Variants in RNF152 observed in about 807,000 individuals in gnomAD.
RNF152 encodes the protein E3 ubiquitin-protein ligase RNF152.
A neutral mutation model predicts 12.7 loss-of-function variants in RNF152; 11 were observed. That is an observed-to-expected ratio of 0.86 (90% CI 0.54 to 1.43). RNF152 has a LOEUF of 1.43. Among genes scored for constraint, RNF152 ranks in the 40% most tolerant of loss-of-function variants. The pLI, the probability that RNF152 is intolerant of heterozygous loss-of-function variation, is 0.00. For synonymous variants in RNF152, 113 were observed against 120.3 expected (o/e 0.94, Z 0.40); for missense variants, 255 against 274.8 (o/e 0.93, Z 0.51).
intron 1 of RNF152, among the ~76,000 whole-genome samples, chr18:61,883,759 G>A (rs1011395867): frequency 1.3e-5 from 2 of 152,118 alleles, no homozygotes; most frequent in African/African-American, 2.4e-5. Context: ...GGAGAAAGGC[G>A]ACTCATCTCC....
chr18:61,847,927 C>G (rs1009232618), intron 1 of RNF152, among the ~76,000 whole-genome samples: 2 of 152,126 alleles, frequency 1.3e-5, no homozygotes, highest in Non-Finnish European at 2.9e-5. Flanking sequence ...TCCTTGACTG[C>G]CTTTTTACAC....
intron 1 of RNF152, among the ~76,000 whole-genome samples, chr18:61,870,268 A>G (rs1021167098): frequency 1.1e-4 from 17 of 152,018 alleles, no homozygotes; most frequent in Non-Finnish European, 5.9e-5. Context: ...TGGCCTCCGC[A>G]CTCCAAAGAG....
chr18:61,836,424 G>A (rs1910187451), intron 1 of RNF152, among the ~76,000 whole-genome samples: 1 of 152,134 alleles, frequency 6.6e-6, no homozygotes, highest in African/African-American at 2.4e-5. Context: ...GAGGTAATTA[G>A]GTTTAGATGA....
chr18:61,876,824 G>A (rs1212523155), intron 1 of RNF152, among the ~76,000 whole-genome samples: 4 of 152,168 alleles, frequency 2.6e-5, no homozygotes, highest in Admixed American at 2.0e-4. Flanking sequence ...AATTCATGGC[G>A]TAAGTGTCAG....
rs185794721 is a variant in RNF152 at position 61,887,447 on chromosome 18, G to A, written c.-136+5348C>T. On this transcript the variant is annotated intron_variant, in intron 1 of 1. Coordinates refer to ENST00000312828, the MANE Select transcript of RNF152 (RefSeq NM_173557.3). ...AAGAAGAATGCTCCTGGCTAGGTGC[G>A]GTGGCTCACGCCTGTAATTCCAGCA... Among the ~76,000 whole-genome samples, 73 of 152,264 alleles carry A rather than the reference G, an allele frequency of 4.8e-4. No individual in the cohort carries two copies. In the East Asian group the frequency reaches 0.013, roughly 26 times the overall value.
At chr18:61,825,981 G>C (rs1186622269) in intron 1 of RNF152, among the ~76,000 whole-genome samples, 1 of 152,060 alleles carries the variant, frequency 6.6e-6, no homozygotes, top group African/African-American at 2.4e-5. Flanking sequence ...CCTTTTCCCA[G>C]AAAGGGGCAG....
In RNF152 at chr18:61,811,213, G is replaced by A. The variant is rs1200828948; in HGVS notation, c.*4639C>T. 6.6e-6 allele frequency: 1 copy of A among 151,962 alleles called. No homozygotes were observed. Among genetic ancestry groups the A allele is most frequent in the African/African-American group, 2.4e-5 (1 of 41,384 alleles). The allele number at this position is 151,962 out of a possible 1,614,324, so 9.4% of individuals were successfully genotyped here. A position where few individuals can be genotyped will look rare whatever the true frequency, so the allele number is the denominator to read the frequency against. ...AATGAAAAGCAGACTAACCAATTTTGAAACAACATAAGTTTTCAAATAAAG... is the reference window on the plus strand; with the variant it reads ...AATGAAAAGCAGACTAACCAATTTTAAAACAACATAAGTTTTCAAATAAAG... On this transcript the variant is annotated 3_prime_UTR_variant, in exon 2 of 2. Transcript: ENST00000312828.
At chr18:61,831,549 T>C (rs971133666) in intron 1 of RNF152, among the ~76,000 whole-genome samples, 8 of 152,292 alleles carry the variant, frequency 5.3e-5, no homozygotes, top group South Asian at 4.1e-4. Flanking sequence ...GGAACTGAAA[T>C]GTGAGGTTAT....
chr18:61,874,275 G>A (rs1912121703), intron 1 of RNF152, among the ~76,000 whole-genome samples: 1 of 152,196 alleles, frequency 6.6e-6, no homozygotes, highest in African/African-American at 2.4e-5. Flanking sequence ...ATCCATCAAG[G>A]TAGTTAATGT....
intron 1 of RNF152, among the ~76,000 whole-genome samples, chr18:61,842,118 A>G (rs933407014): frequency 1.3e-5 from 2 of 152,238 alleles, no homozygotes; most frequent in Non-Finnish European, 2.9e-5. Flanking sequence ...AAGGGTTCAC[A>G]TGTATTTTTA....
intron 1 of RNF152, among the ~76,000 whole-genome samples, chr18:61,845,927 G>A (rs1444740691): frequency 1.3e-5 from 2 of 151,868 alleles, no homozygotes; most frequent in Non-Finnish European, 2.9e-5. Flanking sequence ...GTGTGGGGGG[G>A]CGTGGTGATG....
At chr18:61,876,183 C>T (rs570650302) in intron 1 of RNF152, among the ~76,000 whole-genome samples, 6 of 152,298 alleles carry the variant, frequency 3.9e-5, no homozygotes, top group South Asian at 2.1e-4. Context: ...CTACCCTTCA[C>T]GGGCATTGTC....
At chr18:61,864,363 A>G (rs1436005633) in intron 1 of RNF152, among the ~76,000 whole-genome samples, 1 of 152,242 alleles carries the variant, frequency 6.6e-6, no homozygotes, top group Non-Finnish European at 1.5e-5. Context: ...ACTCAGGAAC[A>G]GTTTATGGCT....
intron 1 of RNF152, among the ~76,000 whole-genome samples, chr18:61,829,373 G>A (rs368499867): frequency 7.9e-5 from 12 of 152,222 alleles, no homozygotes; most frequent in East Asian, 1.9e-4. Context: ...CAGCCCCAGC[G>A]CTCTAAAGCA....
intron 1 of RNF152, among the ~76,000 whole-genome samples, chr18:61,839,292 T>C (rs1376791322): frequency 6.6e-6 from 1 of 152,212 alleles, no homozygotes; most frequent in Admixed American, 6.5e-5. Flanking sequence ...TGCATTTACT[T>C]GTCATAATCC....
chr18:61,886,400 G>A (rs1681126161), intron 1 of RNF152, among the ~76,000 whole-genome samples: 1 of 152,188 alleles, frequency 6.6e-6, no homozygotes, highest in Non-Finnish European at 1.5e-5. Flanking sequence ...TAAGGAGCTT[G>A]CAAGAGAACT....
chr18:61,893,995 G>A (rs1913098475), upstream of RNF152, among the ~76,000 whole-genome samples: 1 of 151,196 alleles, frequency 6.6e-6, no homozygotes, highest in South Asian at 2.1e-4. Flanking sequence ...CCGCGGTCCA[G>A]AAGATCTCCC....
intron 1 of RNF152, among the ~76,000 whole-genome samples, chr18:61,878,793 A>G (rs1160877108): frequency 2.6e-5 from 4 of 152,310 alleles, no homozygotes; most frequent in African/African-American, 9.6e-5. Context: ...TCCCATTCAC[A>G]AGGGCAGAGC....
intron 1 of RNF152, among the ~76,000 whole-genome samples, chr18:61,840,848 C>T (rs943164819): frequency 1.3e-5 from 2 of 152,196 alleles, no homozygotes; most frequent in East Asian, 3.8e-4. Flanking sequence ...GGTCTGTTCT[C>T]TCCAGCTAGT....
Sources: gnomAD v4.1 joint callset for allele counts (sites outside exome capture counted in the v4.1 genomes callset) on GRCh38, gnomAD v4.1.1 for gene constraint, MANE v1.5 for transcripts, NCBI Gene and HGNC (gene_info 2026-07-23, HGNC 2026-07-21) for gene names.